Variants in EPM2A observed in about 807,000 individuals in gnomAD.
EPM2A encodes laforin.
EPM2A carries 21 observed loss-of-function variants against 26.5 expected under a neutral mutation model. That is an observed-to-expected ratio of 0.79 (90% CI 0.56 to 1.14). The LOEUF (loss-of-function observed/expected upper bound fraction) is 1.14, where lower values mean the gene tolerates loss of function less well. EPM2A is among the 50% of genes most tolerant of loss of function. EPM2A has a pLI of 0.00. For missense variants in EPM2A, 458 were observed against 440.8 expected (o/e 1.04, Z -0.35); for synonymous variants, 217 against 177.6 (o/e 1.22, Z -1.76).
intron 2 of EPM2A, among the ~76,000 whole-genome samples, chr6:145,532,611 A>G (rs1285554354): frequency 6.6e-6 from 1 of 151,880 alleles, no homozygotes; most frequent in Non-Finnish European, 1.5e-5. Flanking sequence ...CGTGGCTGCA[A>G]CTCTTTACAG....
chr6:145,689,481 G>A (rs1421499133), intron 1 of EPM2A, among the ~76,000 whole-genome samples: 1 of 152,170 alleles, frequency 6.6e-6, no homozygotes, highest in Admixed American at 6.5e-5. Context: ...TGAGACCTAA[G>A]AAAAGACCTA....
intron 4 of EPM2A, among the ~76,000 whole-genome samples, chr6:145,429,704 C>T (rs1778897820): frequency 1.3e-5 from 2 of 152,028 alleles, no homozygotes; most frequent in Non-Finnish European, 1.5e-5. Flanking sequence ...ATAAGGATCT[C>T]TTATAGAAAT....
chr6:145,679,850 G>A (rs924968537), intron 2 of EPM2A, among the ~76,000 whole-genome samples: 15 of 152,136 alleles, frequency 9.9e-5, no homozygotes, highest in Admixed American at 5.9e-4. Context: ...AAACATCTGC[G>A]AACTGTTTGG....
chr6:145,693,760 T>A (rs992747959), intron 1 of EPM2A, among the ~76,000 whole-genome samples: 1 of 152,052 alleles, frequency 6.6e-6, no homozygotes, highest in African/African-American at 2.4e-5. Flanking sequence ...GATAAACTAA[T>A]CTGTATTTTT....
intron 4 of EPM2A, among the ~76,000 whole-genome samples, chr6:145,438,182 T>C (rs1391717979): frequency 6.6e-6 from 1 of 152,044 alleles, no homozygotes; most frequent in Non-Finnish European, 1.5e-5. Context: ...CCAAGACAAA[T>C]GGTGTCATGG....
At chr6:145,540,913 G>A (rs921704248) in intron 2 of EPM2A, among the ~76,000 whole-genome samples, 2 of 152,024 alleles carry the variant, frequency 1.3e-5, no homozygotes, top group Non-Finnish European at 2.9e-5. Context: ...TCTCATCTCT[G>A]ATTCATCACA....
rs1164875413 is a variant in EPM2A, at chr6:145,618,927, T to C, written c.340+16318A>G. On this transcript the variant is annotated intron_variant, in intron 2 of 3. Transcript: ENST00000450221. Reference sequence around the variant, plus strand: ...AGAATGATCTTGAAAGGGGTAAGGATTACAAGAGGAAGATAAGCCAGGAAG... The same window carrying C: ...AGAATGATCTTGAAAGGGGTAAGGACTACAAGAGGAAGATAAGCCAGGAAG... Among the ~76,000 whole-genome samples, 4 of 152,110 alleles carry C rather than the reference T, an allele frequency of 2.6e-5. No homozygotes were observed. The East Asian group carries it at 7.7e-4, about 29-fold the overall frequency.
At chr6:145,455,302 G>GA (rs911671627) in intron 4 of EPM2A, among the ~76,000 whole-genome samples, 82 of 62,648 alleles carry the variant, frequency 1.3e-3, no homozygotes, top group African/African-American at 3.8e-3. Flanking sequence ...AAAAATGAAA[G>GA]AAAAAAACAA....
chr6:145,488,442 C>T (rs1205372494), intron 4 of EPM2A, among the ~76,000 whole-genome samples: 2 of 150,764 alleles, frequency 1.3e-5, no homozygotes, highest in Non-Finnish European at 2.9e-5. Context: ...TTCTTCCTAC[C>T]CATGAGTATG....
intron 2 of EPM2A, among the ~76,000 whole-genome samples, chr6:145,645,373 C>G (rs1443493376): frequency 2.6e-5 from 4 of 152,142 alleles, no homozygotes. Flanking sequence ...GTGGCACAAT[C>G]ATGGCTCACT....
intron 2 of EPM2A, chr6:145,640,148 G>A (rs994651430): frequency 1.2e-4 from 19 of 152,178 alleles, no homozygotes; most frequent in African/African-American, 3.6e-4. Flanking sequence ...TGAATCAGAC[G>A]CTCAACTGTC....
At chr6:145,500,623 T>G (rs1779876906), downstream of EPM2A, among the ~76,000 whole-genome samples, 2 of 152,188 alleles carry the variant, frequency 1.3e-5, no homozygotes, top group South Asian at 4.1e-4. Context: ...AATTTGCTCA[T>G]ATGAACAAAC....
At chr6:145,540,128 C>T (rs1780486588) in intron 2 of EPM2A, among the ~76,000 whole-genome samples, 1 of 152,176 alleles carries the variant, frequency 6.6e-6, no homozygotes, top group Admixed American at 6.5e-5. Flanking sequence ...TCCTGTGGCC[C>T]CCATGGCACC....
intron 2 of EPM2A, among the ~76,000 whole-genome samples, chr6:145,679,358 T>A (rs1780325856): frequency 6.6e-6 from 1 of 151,554 alleles, no homozygotes; most frequent in Admixed American, 6.6e-5. Context: ...TGTATACCTA[T>A]GTAACAAACC....
At chr6:145,545,671 C>G (rs1780573612) in intron 2 of EPM2A, among the ~76,000 whole-genome samples, 1 of 152,138 alleles carries the variant, frequency 6.6e-6, no homozygotes, top group Admixed American at 6.5e-5. Context: ...AATGGCTTCA[C>G]TACCATTACA....
chr6:145,734,304 T>C (rs901072297), intron 1 of EPM2A, among the ~76,000 whole-genome samples: 1 of 152,112 alleles, frequency 6.6e-6, no homozygotes, highest in Admixed American at 6.5e-5. Context: ...GTCCCTAACA[T>C]ATTGTTAGGC....
intron 2 of EPM2A, among the ~76,000 whole-genome samples, chr6:145,581,313 C>CA (rs1781109789): frequency 6.6e-6 from 1 of 151,968 alleles, no homozygotes; most frequent in Non-Finnish European, 1.5e-5. Context: ...GAAAAAGTGC[C>CA]TTTTATGTCT....
At chr6:145,604,826 A>G (rs952407) in intron 2 of EPM2A, among the ~76,000 whole-genome samples, 12,445 of 152,240 alleles carry the variant, frequency 0.082, 539 homozygotes, top group Middle Eastern at 0.12. Flanking sequence ...TGACATGCAG[A>G]AAATGTCCCT....
At chr6:145,554,195 C>T (rs897250249) in intron 2 of EPM2A, among the ~76,000 whole-genome samples, 13 of 151,908 alleles carry the variant, frequency 8.6e-5, no homozygotes, top group South Asian at 2.1e-4. Context: ...CATCCCCTAA[C>T]GATGGAAGTA....
Sources: allele counts gnomAD v4.1 joint callset (sites outside exome capture counted in the v4.1 genomes callset), GRCh38; gene constraint gnomAD v4.1.1; transcripts MANE v1.5; gene names NCBI Gene and HGNC (gene_info 2026-07-23, HGNC 2026-07-21).